TAFA2: variants seen among roughly 807,000 people sequenced by gnomAD.
TAFA2 encodes TAFA chemokine like family member 2.
Under a neutral mutation model 18.8 loss-of-function variants are expected in TAFA2, and 7 were observed. The ratio of observed to expected loss-of-function variants is 0.37; its 90% CI spans 0.21 to 0.70. The LOEUF (loss-of-function observed/expected upper bound fraction) is 0.70. Among genes scored for constraint, TAFA2 ranks in the 30% least tolerant of loss-of-function variants. The pLI, the probability that TAFA2 is intolerant of heterozygous loss-of-function variation, is 0.53. For missense variants in TAFA2, 122 were observed against 158.1 expected, an observed-to-expected ratio of 0.77 and a Z score of 1.23; for synonymous variants, 60 against 54.2, an observed-to-expected ratio of 1.11 and a Z score of -0.47.
intron 1 of TAFA2, among the ~76,000 whole-genome samples, chr12:61,952,932 A>T (rs1017314751): frequency 2.6e-5 from 4 of 152,126 alleles, no homozygotes; most frequent in Admixed American, 2.6e-4. Flanking sequence ...ATTTTATAAA[A>T]ATAAAAATAC....
chr12:61,920,937 A>T (rs1877025874), intron 1 of TAFA2, among the ~76,000 whole-genome samples: 1 of 152,130 alleles, frequency 6.6e-6, no homozygotes, highest in Non-Finnish European at 1.5e-5. Context: ...GTGAGTACCC[A>T]AGCGAATATT....
intron 1 of TAFA2, among the ~76,000 whole-genome samples, chr12:62,109,651 C>A (rs1869629824): frequency 6.6e-6 from 1 of 152,054 alleles, no homozygotes; most frequent in Non-Finnish European, 1.5e-5. Context: ...CTCTCTTATT[C>A]CTTGAGCAAT....
chr12:61,911,507 T>C (rs1277773954), intron 1 of TAFA2, among the ~76,000 whole-genome samples: 1 of 152,220 alleles, frequency 6.6e-6, no homozygotes, highest in Non-Finnish European at 1.5e-5. Flanking sequence ...TAGTTTCACC[T>C]AGGCTACAAA....
At chr12:61,950,381 AACAGTGC>A (rs765871369) in intron 1 of TAFA2, among the ~76,000 whole-genome samples, 3 of 152,192 alleles carry the variant, frequency 2.0e-5, no homozygotes, top group Non-Finnish European at 4.4e-5. Context: ...TAGCACTACT[AACAGTGC>A]ACAAGGGTTT....
intron 1 of TAFA2, among the ~76,000 whole-genome samples, chr12:61,958,922 AATTT>A (rs1348978389): frequency 6.6e-6 from 1 of 152,102 alleles, no homozygotes; most frequent in East Asian, 1.9e-4. Flanking sequence ...GTCTGCCTGA[AATTT>A]ATTTTTGAAC....
At chr12:62,109,981 GCCTGGTTGC>G (rs1408629771) in intron 1 of TAFA2, among the ~76,000 whole-genome samples, 5 of 152,094 alleles carry the variant, frequency 3.3e-5, no homozygotes, top group African/African-American at 1.2e-4. Context: ...TCTTTCTCTT[GCCTGGTTGC>G]CCTGGCCAGA....
chr12:62,212,173 C>T (rs2062716547), intron 1 of TAFA2, among the ~76,000 whole-genome samples: 2 of 152,178 alleles, frequency 1.3e-5, no homozygotes, highest in African/African-American at 4.8e-5. Flanking sequence ...GGTGTATAGT[C>T]ACCATTAGCT....
At chr12:61,833,443 G>A (rs1301915999) in intron 2 of TAFA2, among the ~76,000 whole-genome samples, 1 of 151,848 alleles carries the variant, frequency 6.6e-6, no homozygotes, top group African/African-American at 2.4e-5. Flanking sequence ...TCCATCTATG[G>A]TGTAAGAACT....
At chr12:62,146,514 G>A (rs748059751) in intron 1 of TAFA2, among the ~76,000 whole-genome samples, 9 of 152,034 alleles carry the variant, frequency 5.9e-5, no homozygotes, top group Admixed American at 6.6e-5. Context: ...TCCTTTAATC[G>A]GCTGGAAATA....
chr12:61,852,966 G>A (rs1394053538), intron 2 of TAFA2, among the ~76,000 whole-genome samples: 1 of 152,146 alleles, frequency 6.6e-6, no homozygotes, highest in Non-Finnish European at 1.5e-5. Flanking sequence ...AATAAGTACT[G>A]CAGATCTAAC....
chr12:61,908,101 T>A (rs899470036), intron 1 of TAFA2, among the ~76,000 whole-genome samples: 13 of 152,258 alleles, frequency 8.5e-5, no homozygotes, highest in South Asian at 2.1e-4. Flanking sequence ...CTGGAATGAA[T>A]TAAGACTTTG....
chr12:62,184,608 C>A (rs1000786321), intron 1 of TAFA2, among the ~76,000 whole-genome samples: 4 of 148,512 alleles, frequency 2.7e-5, no homozygotes, highest in East Asian at 2.0e-4. Flanking sequence ...ATCCTCCCCC[C>A]TCTCAGCCTC....
At position 61,998,868 on chromosome 12, in the gene TAFA2, G is replaced by C. The variant is rs530975129; in HGVS notation, c.-1-131442C>G. ...TGCAGGGAAGGCACAAGTAACATCTGATCCTGCCAAACAGCTCACCTAGAA... is the reference window on the plus strand; with the variant it reads ...TGCAGGGAAGGCACAAGTAACATCTCATCCTGCCAAACAGCTCACCTAGAA... On this transcript the variant is annotated intron_variant, in intron 1 of 4. Transcript: ENST00000416284. 1.3e-3 allele frequency among the ~76,000 whole-genome samples: 199 copies of C among 152,326 alleles called. 2 individuals are homozygous for C. The highest frequency in any genetic ancestry group is 6.6e-4 in the Non-Finnish European group (45 of 68,032).
chr12:61,740,560 T>C (rs543511507), intron 4 of TAFA2, among the ~76,000 whole-genome samples: 31 of 151,842 alleles, frequency 2.0e-4, no homozygotes, highest in African/African-American at 6.8e-4. Flanking sequence ...GAGTGAAGGA[T>C]GAAAAGTGGC....
At chr12:61,880,230 CA>C (rs1208033291) in intron 1 of TAFA2, 5 of 489,162 alleles carry the variant, frequency 1.0e-5, no homozygotes, top group Non-Finnish European at 1.2e-5. Flanking sequence ...CTGAGGTGTA[CA>C]AAGACTGACA....
intron 1 of TAFA2, among the ~76,000 whole-genome samples, chr12:61,890,849 C>T (rs1386005639): frequency 1.3e-5 from 2 of 152,130 alleles, no homozygotes; most frequent in East Asian, 3.9e-4. Flanking sequence ...TTTTTCCACC[C>T]ATGTATCCTC....
intron 2 of TAFA2, among the ~76,000 whole-genome samples, chr12:61,832,224 G>T (rs1263598163): frequency 6.6e-6 from 1 of 151,952 alleles, no homozygotes; most frequent in African/African-American, 2.4e-5. Flanking sequence ...GGATTTCCTA[G>T]ACTAAATCAG....
chr12:61,867,095 A>G (rs1019267087), intron 2 of TAFA2, among the ~76,000 whole-genome samples: 1 of 152,090 alleles, frequency 6.6e-6, no homozygotes, highest in Non-Finnish European at 1.5e-5. Flanking sequence ...CTATTTCCAT[A>G]TTCTTTGAAC....
chr12:61,940,674 T>C (rs963078648), intron 1 of TAFA2, among the ~76,000 whole-genome samples: 3 of 152,184 alleles, frequency 2.0e-5, no homozygotes, highest in Admixed American at 6.5e-5. Flanking sequence ...GGCATCCTTT[T>C]CTCATCTACG....
Sources: gnomAD v4.1 joint callset for allele counts (sites outside exome capture counted in the v4.1 genomes callset) on GRCh38, gnomAD v4.1.1 for gene constraint, MANE v1.5 for transcripts, NCBI Gene and HGNC (gene_info 2026-07-23, HGNC 2026-07-21) for gene names.